Variants in VSX2 observed in about 807,000 individuals in gnomAD.
The protein encoded by VSX2 is visual system homeobox 2.
In VSX2, 28 loss-of-function variants were observed where a neutral mutation model predicts 32.1. That is an observed-to-expected ratio of 0.87 (90% CI 0.65 to 1.20). The LOEUF (loss-of-function observed/expected upper bound fraction) is 1.20, where lower values mean the gene tolerates loss of function less well. Ranked by LOEUF, VSX2 falls within the 50% of genes most tolerant of loss-of-function variation. The pLI is 0.00. For synonymous variants in VSX2, 243 were observed against 214.1 expected (o/e 1.14, Z -1.18); for missense variants, 506 against 488.7 (o/e 1.04, Z -0.33).
intron 2 of VSX2, 71 bp from the exon 3 acceptor site, chr14:74,245,094 C>T (rs945489763): frequency 5.1e-5 from 82 of 1,602,270 alleles, no homozygotes; most frequent in Non-Finnish European, 6.2e-5. Context: ...CAGAGGAAGG[C>T]GGTTCTGTCT....
chr14:74,259,475 TG>T, intron 3 of VSX2, 126 bp from the exon 4 acceptor site: 1 of 1,041,490 alleles, frequency 9.6e-7, no homozygotes, highest in Admixed American at 1.9e-5. Context: ...GAGGGCACCA[TG>T]GAGTAGGCGA....
intron 3 of VSX2, among the ~76,000 whole-genome samples, chr14:74,257,211 C>T (rs983100463): frequency 7.2e-5 from 11 of 152,238 alleles, no homozygotes; most frequent in African/African-American, 2.2e-4. Context: ...CGAGTTAGCA[C>T]GGCTGGCATT....
chr14:74,251,676 A>G (rs796192600), intron 3 of VSX2, among the ~76,000 whole-genome samples: 5 of 152,300 alleles, frequency 3.3e-5, no homozygotes, highest in African/African-American at 9.6e-5. Flanking sequence ...GTCAGTGCTC[A>G]GGCAAGAGGC....
chr14:74,255,535 C>T (rs775393839), intron 3 of VSX2, among the ~76,000 whole-genome samples: 9 of 152,194 alleles, frequency 5.9e-5, no homozygotes, highest in Non-Finnish European at 1.2e-4. Context: ...GTCTGATCTA[C>T]AGATCAGCCA....
In VSX2 at chr14:74,239,514, G is replaced by T; in HGVS notation, c.-48G>T. 3 of 1,547,928 alleles carry T rather than the reference G, an allele frequency of 1.9e-6. No homozygotes were observed. The highest frequency in any genetic ancestry group is 2.0e-5 in the Admixed American group (1 of 50,846). ...GAAGCGGGAAGCCCGGCGGGGGGGTGGGGGGAGCTAAAGACCTGCGGCCTC... is the reference window on the plus strand; with the variant it reads ...GAAGCGGGAAGCCCGGCGGGGGGGTTGGGGGAGCTAAAGACCTGCGGCCTC... On this transcript the variant is annotated 5_prime_UTR_variant, in exon 1 of 5. Transcript: ENST00000261980.
At chr14:74,258,519 C>A (rs1342542519) in intron 3 of VSX2, among the ~76,000 whole-genome samples, 2 of 152,106 alleles carry the variant, frequency 1.3e-5, no homozygotes, top group Non-Finnish European at 1.5e-5. Context: ...TTCCCTGGGG[C>A]GACTCGCTGC....
rs1321621481 is a variant in VSX2, at chr14:74,260,482, T to C, written c.761-112T>C. 3.6e-6 allele frequency: 4 copies of C among 1,119,802 alleles called. No individual in the cohort carries two copies. In the East Asian group the frequency reaches 7.7e-5, roughly 22 times the overall value. The allele number at this position is 1,119,802 out of a possible 1,614,324, so 69.4% of individuals were successfully genotyped here. On this transcript the variant is annotated intron_variant, in intron 4 of 4. Coordinates refer to ENST00000261980, the MANE Select transcript of VSX2 (RefSeq NM_182894.3). Reference sequence around the variant, plus strand: ...ACTTGTGTGACTGCGGTGTGGGGAGTAAGGCTTTCTGCTCGTCCTTAATTC... The same window carrying C: ...ACTTGTGTGACTGCGGTGTGGGGAGCAAGGCTTTCTGCTCGTCCTTAATTC...
intron 1 of VSX2, 22 bp from the exon 2 acceptor site, chr14:74,241,160 T>G: frequency 1.2e-6 from 2 of 1,611,910 alleles, no homozygotes. Context: ...CTCTGCCGCA[T>G]GTCCCTACGC....
Position 74,243,611 on chromosome 14 carries a change from GGC to G in VSX2, c.456-1553_456-1552del, listed in dbSNP as rs1257412190. Among the ~76,000 whole-genome samples, 677 of 152,060 alleles carry G rather than the reference GGC, an allele frequency of 4.5e-3. 8 individuals are homozygous for G. The highest frequency in any genetic ancestry group is 0.015 in the African/African-American group (641 of 41,448). On this transcript the variant is annotated intron_variant, in intron 2 of 4. Coordinates refer to ENST00000261980, the MANE Select transcript of VSX2 (RefSeq NM_182894.3). The stretch of plus-strand genomic sequence containing the variant: ...TGTTTATTTTGATGCTCTGTCCATG[GGC>G]CCTTCAGCAGATGGCAGAAGCGAAA...
intron 3 of VSX2, among the ~76,000 whole-genome samples, chr14:74,257,392 C>T (rs969838070): frequency 2.0e-5 from 3 of 152,234 alleles, no homozygotes; most frequent in Admixed American, 2.0e-4. Context: ...GTGCCAAACC[C>T]GGAGGCAGCA....
rs1274933802 is a variant in VSX2 at position 74,239,694 on chromosome 14, C to A, written c.133C>A (p.Pro45Thr). 2 of 1,549,820 alleles carry A rather than the reference C, an allele frequency of 1.3e-6. No individual in the cohort carries two copies. Among genetic ancestry groups the A allele is most frequent in the African/African-American group, 1.4e-5 (1 of 73,016 alleles). ...QEILGLNKEP[P>T]SSHPRAALDG... Reference sequence around the variant, plus strand: ...GATCCTGGGCTTGAACAAGGAGCCCCCGAGCTCCCACCCGCGGGCAGCGCT... The same window carrying A: ...GATCCTGGGCTTGAACAAGGAGCCCACGAGCTCCCACCCGCGGGCAGCGCT... The change falls in exon 1 of 5, where the codon CCG (proline) becomes ACG (threonine). Residue 45 changes from proline (P) to threonine (T), a missense_variant. Physicochemically the swap from Pro to Thr is conservative, Grantham distance 38. Transcript: ENST00000261980.
At chr14:74,254,925 GC>G in intron 3 of VSX2, among the ~76,000 whole-genome samples, 2 of 151,492 alleles carry the variant, frequency 1.3e-5, no homozygotes, top group East Asian at 3.9e-4. Context: ...GACTACAGGC[GC>G]CCCCCACCAC....
chr14:74,252,926 G>A (rs1395048126), intron 3 of VSX2, among the ~76,000 whole-genome samples: 1 of 151,540 alleles, frequency 6.6e-6, no homozygotes, highest in Non-Finnish European at 1.5e-5. Context: ...GCGGGTGCCT[G>A]TAATCCCAGC....
chr14:74,246,881 G>T (rs1036478857), intron 3 of VSX2, among the ~76,000 whole-genome samples: 1 of 152,096 alleles, frequency 6.6e-6, no homozygotes, highest in African/African-American at 2.4e-5. Flanking sequence ...GGATTTGGGG[G>T]CAGGCTCTCC....
intron 3 of VSX2, 60 bp downstream of exon 3, chr14:74,245,348 C>G (rs756380971): frequency 5.2e-4 from 830 of 1,606,704 alleles, no homozygotes; most frequent in Middle Eastern, 4.1e-3. Flanking sequence ...ATCTACCACT[C>G]CAGGGTTCCA....
intron 1 of VSX2, 35 bp downstream of exon 1, chr14:74,239,966 G>A (rs1256164628): frequency 1.3e-6 from 2 of 1,544,322 alleles, no homozygotes; most frequent in Admixed American, 2.0e-5. Flanking sequence ...TGCCTGACTG[G>A]GGGGCGACAG....
intron 2 of VSX2, among the ~76,000 whole-genome samples, chr14:74,241,940 GGTTTTGTTTTGTTTT>G (rs147024909): frequency 7.4e-4 from 112 of 152,148 alleles, no homozygotes; most frequent in Non-Finnish European, 1.1e-3. Context: ...GACTAGAAAG[GGTTTTGTTTTGTTTT>G]GTTTTGTTTT....
intron 2 of VSX2, among the ~76,000 whole-genome samples, chr14:74,244,042 T>A (rs1446522870): frequency 6.6e-6 from 1 of 152,156 alleles, no homozygotes; most frequent in Non-Finnish European, 1.5e-5. Flanking sequence ...CAAAACCTGG[T>A]GAAATTAAGG....
intron 3 of VSX2, among the ~76,000 whole-genome samples, chr14:74,253,048 CA>C (rs34396021): frequency 0.29 from 27,443 of 95,090 alleles, 3,451 homozygotes; most frequent in African/African-American, 0.47. Context: ...GACTCCATCT[CA>C]AAAAAAAAAA....
Sources: allele counts gnomAD v4.1 joint callset (sites outside exome capture counted in the v4.1 genomes callset), GRCh38; gene constraint gnomAD v4.1.1; transcripts MANE v1.5; gene names NCBI Gene and HGNC (gene_info 2026-07-23, HGNC 2026-07-21).